FBXL8: variants seen among roughly 807,000 people sequenced by gnomAD.
FBXL8 encodes F-box/LRR-repeat protein 8.
FBXL8 carries 13 observed loss-of-function variants against 8.2 expected under a neutral mutation model. The ratio of observed to expected loss-of-function variants is 1.58; its 90% CI spans 1.03 to 2.51. The LOEUF (loss-of-function observed/expected upper bound fraction) is 2.51. FBXL8 is among the 30% of genes most tolerant of loss of function. FBXL8 has a pLI of 0.00. For missense variants in FBXL8, 565 were observed against 540.4 expected, an observed-to-expected ratio of 1.05 and a Z score of -0.45; for synonymous variants, 271 against 260.5, an observed-to-expected ratio of 1.04 and a Z score of -0.39.
chr16:67,163,962 G>C lies in FBXL8; in HGVS notation c.*142G>C, dbSNP rs1236212160. ...TCTTTACCGAGTTGGGAACTGTGAT[G>C]GCATCGGGACCAGTCCTGGGCGCCC... is the stretch of plus-strand genomic sequence containing the variant. On this transcript the variant is annotated 3_prime_UTR_variant, in exon 3 of 3. Transcript: ENST00000258200. 2.3e-6 allele frequency: 3 copies of C among 1,308,106 alleles called. No homozygotes were observed. Among genetic ancestry groups the C allele is most frequent in the Non-Finnish European group, 3.2e-6 (3 of 944,334 alleles). 81.0% of individuals were successfully genotyped at this position (1,308,106 alleles called of 1,614,324 possible).
rs1199827259 is a variant in FBXL8, at chr16:67,163,559, C to T, written c.864C>T (p.Thr288=). 7 of 1,580,330 alleles carry T rather than the reference C, an allele frequency of 4.4e-6. No individual in the cohort carries two copies. Among genetic ancestry groups the T allele is most frequent in the South Asian group, 3.4e-5 (3 of 88,760 alleles). ...AALRLNLSGD[T]VGPVRFAAHH... is the part of the protein sequence containing the mutation. ...TGCGCCTCAACCTCTCAGGCGACAC[C>T]GTAGGCCCAGTGCGCTTCGCAGCAC... Residue 288 remains threonine (T), a synonymous_variant, in exon 3 of 3, where the codon ACC becomes ACT. Coordinates refer to ENST00000258200, the MANE Select transcript of FBXL8 (RefSeq NM_018378.3).
rs1477431686 is a variant in FBXL8 at position 67,163,879 on chromosome 16, G to GT, written c.*59_*60insT. On this transcript the variant is annotated 3_prime_UTR_variant, in exon 3 of 3. Transcript: ENST00000258200. ...TAAGCGCTCTGAGAGGGAACGGGGGGGGTGTCCAGGCGCGCCCCGAGTGCT... is the reference window on the plus strand; with the variant it reads ...TAAGCGCTCTGAGAGGGAACGGGGGGTGGTGTCCAGGCGCGCCCCGAGTGCT... 1.0e-5 allele frequency: 16 copies of GT among 1,526,800 alleles called. No individual in the cohort carries two copies. Among genetic ancestry groups the GT allele is most frequent in the Admixed American group, 7.8e-5 (4 of 50,982 alleles). The allele number at this position is 1,526,800 out of a possible 1,614,324, so 94.6% of individuals were successfully genotyped here.
At position 67,163,872 on chromosome 16, in the gene FBXL8, A is replaced by AT; in HGVS notation, c.*52_*53insT. 7.5e-7 allele frequency: 1 copy of AT among 1,338,742 alleles called. No individual in the cohort carries two copies. Among genetic ancestry groups the AT allele is most frequent in the Non-Finnish European group, 9.5e-7 (1 of 1,055,554 alleles). 82.9% of individuals were successfully genotyped at this position (1,338,742 alleles called of 1,614,324 possible). A position where few individuals can be genotyped will look rare whatever the true frequency, so the allele number is the denominator to read the frequency against. On this transcript the variant is annotated 3_prime_UTR_variant, in exon 3 of 3. Transcript: ENST00000258200. Reference sequence around the variant, plus strand: ...GTGGACGTAAGCGCTCTGAGAGGGAACGGGGGGGGTGTCCAGGCGCGCCCC... The same window carrying AT: ...GTGGACGTAAGCGCTCTGAGAGGGAATCGGGGGGGGTGTCCAGGCGCGCCCC...
intron 2 of FBXL8, 78 bp downstream of exon 2, chr16:67,162,015 A>C: frequency 6.9e-7 from 1 of 1,440,246 alleles, no homozygotes; most frequent in Non-Finnish European, 9.2e-7. Flanking sequence ...GTAGATATTC[A>C]GGTTGACTCC....
Position 67,163,123 on chromosome 16 carries a change from G to A in FBXL8, c.428G>A (p.Arg143Gln), listed in dbSNP as rs759079197. 10 of 1,576,712 alleles carry A rather than the reference G, an allele frequency of 6.3e-6. No individual in the cohort carries two copies. In the East Asian group the frequency reaches 2.3e-4, roughly 37 times the overall value. Residue 143 changes from arginine to glutamine, a missense_variant, in exon 3 of 3, where the codon CGG becomes CAG. Transcript: ENST00000258200. ...AGCCAGCTACGCCACCTCGACCTGC[G>A]GCGCTTGTCCTTCACACTGGACGAC... ...AASQLRHLDL[R>Q]RLSFTLDDAL...
chr16:67,161,859 G>C lies in FBXL8; in HGVS notation c.74G>C (p.Arg25Pro). The change falls in exon 2 of 3, where the codon CGT becomes CCT. Residue 25 changes from arginine to proline, a missense_variant. Coordinates refer to ENST00000258200, the MANE Select transcript of FBXL8 (RefSeq NM_018378.3). Reference sequence around the variant, plus strand: ...TTCCGCCACCTGTCCCTGAGAGACCGTGCTGCCGCCGCCAGGGTCTGCAGG... The same window carrying C: ...TTCCGCCACCTGTCCCTGAGAGACCCTGCTGCCGCCGCCAGGGTCTGCAGG... Reference protein sequence around the residue: ...LIFRHLSLRDRAAAARVCRAW... With the variant: ...LIFRHLSLRDPAAAARVCRAW... 6.2e-7 allele frequency: 1 copy of C among 1,610,662 alleles called. No individual in the cohort carries two copies. The highest frequency in any genetic ancestry group is 8.5e-7 in the Non-Finnish European group (1 of 1,178,816).
At chr16:67,161,630 G>A (rs769023156) in intron 1 of FBXL8, 105 bp from the exon 2 acceptor site, 71 of 860,146 alleles carry the variant, frequency 8.3e-5, no homozygotes, top group Non-Finnish European at 7.2e-5. Flanking sequence ...CACGCTGTCT[G>A]AGAGGCCCTC....
chr16:67,162,066 A>G (rs1297061190), intron 2 of FBXL8, 129 bp downstream of exon 2: 1 of 1,273,854 alleles, frequency 7.9e-7, no homozygotes, highest in African/African-American at 1.5e-5. Flanking sequence ...GTGGTGGCTC[A>G]TGCCTGTAAT....
In FBXL8 at chr16:67,163,545, C is replaced by G; in HGVS notation, c.850C>G (p.Leu284Val). The change falls in exon 3 of 3, where the codon CTC becomes GTC. Residue 284 changes from leucine to valine, a missense_variant. Transcript: ENST00000258200. ...AVPVAALRLNLSGDTVGPVRF... is the reference protein window; with the variant it reads ...AVPVAALRLNVSGDTVGPVRF... ...CCCCGTGGCTGCGCTGCGCCTCAAC[C>G]TCTCAGGCGACACCGTAGGCCCAGT... 1 of 1,575,116 alleles carries G rather than the reference C, an allele frequency of 6.3e-7. No individual in the cohort carries two copies. The highest frequency in any genetic ancestry group is 8.6e-7 in the Non-Finnish European group (1 of 1,169,050).
At position 67,161,927 on chromosome 16, in the gene FBXL8, A is replaced by T. The variant is rs773292555; in HGVS notation, c.142A>T (p.Thr48Ser). The T allele has an allele frequency of 1.6e-5, 25 of 1,607,424 alleles. No homozygotes were observed. Among genetic ancestry groups the T allele is most frequent in the Non-Finnish European group, 2.0e-5 (24 of 1,177,526 alleles). ...TACCTGCAGCGCCGTGTGGCACGAC[A>T]CAAAAATCAGGTGAGCCTGCTCCTC... ...AATCSAVWHD[T>S]KISCECELEG... The change falls in exon 2 of 3, where the codon ACA (threonine) becomes TCA (serine). Residue 48 changes from threonine (T) to serine (S), a missense_variant. Physicochemically the swap from Thr to Ser is moderately conservative, Grantham distance 58. Transcript: ENST00000258200.
chr16:67,162,301 C>G (rs965533162), intron 2 of FBXL8: 1 of 437,584 alleles, frequency 2.3e-6, no homozygotes, highest in Non-Finnish European at 4.1e-6. Context: ...TGCACTCCAG[C>G]TTGGCGACAG....
At chr16:67,161,061 C>A (rs2030880099) in intron 1 of FBXL8, 2 of 153,728 alleles carry the variant, frequency 1.3e-5, no homozygotes, top group South Asian at 4.1e-4. Context: ...CTGATTGGCT[C>A]ATGGTCCCTG....
rs1247949823 is a variant in FBXL8, at chr16:67,163,798, G to A, written c.1103G>A (p.Trp368Ter). 1 of 1,563,022 alleles carries A rather than the reference G, an allele frequency of 6.4e-7. No individual in the cohort carries two copies. The highest frequency in any genetic ancestry group is 8.6e-7 in the Non-Finnish European group (1 of 1,162,302). Reference protein sequence around the residue: ...TLKLTREPHPWRPTLVA With the variant: ...TLKLTREPHP ...AAGCTCACGCGCGAGCCGCATCCCT[G>A]GAGGCCTACGCTCGTGGCGTGATTG... Residue 368 changes from tryptophan (W) to a stop codon, truncating the protein, a stop_gained, in exon 3 of 3, where the codon TGG becomes TAG. Transcript: ENST00000258200. LOFTEE classifies it high-confidence loss of function.
intron 2 of FBXL8, 155 bp downstream of exon 2, chr16:67,162,092 G>A: frequency 8.8e-6 from 9 of 1,025,184 alleles, no homozygotes; most frequent in Non-Finnish European, 1.2e-5. Flanking sequence ...CACTTTGGCA[G>A]GCCGAGGCGG....
Position 67,162,990 on chromosome 16 carries a change from C to G in FBXL8, c.295C>G (p.Arg99Gly). The G allele has an allele frequency of 1.3e-6, 2 of 1,557,502 alleles. No individual in the cohort carries two copies. The highest frequency in any genetic ancestry group is 1.7e-6 in the Non-Finnish European group (2 of 1,150,842). The change falls in exon 3 of 3, where the codon CGT (arginine) becomes GGT (glycine). Residue 99 changes from arginine to glycine, a missense_variant. Arg to Gly is a moderately radical substitution (Grantham distance 125, BLOSUM62 -2). Coordinates refer to ENST00000258200, the MANE Select transcript of FBXL8 (RefSeq NM_018378.3). ...CGAGCTGCTGATGGTTCTGGCGGGC[C>G]GTGCCCCGGGGCTGCGAGGCCTGCG... is the stretch of plus-strand genomic sequence containing the variant. Reference protein sequence around the residue: ...AIELLMVLAGRAPGLRGLRLE... With the variant: ...AIELLMVLAGGAPGLRGLRLE...
rs1321200644 is a variant in FBXL8 at position 67,163,993 on chromosome 16, C to G, written c.*173C>G. ...GGGACCAGTCCTGGGCGCCCTGAGACCACTCGCTGCTCTCACCCTCTGCAG... is the reference window on the plus strand; with the variant it reads ...GGGACCAGTCCTGGGCGCCCTGAGAGCACTCGCTGCTCTCACCCTCTGCAG... On this transcript the variant is annotated 3_prime_UTR_variant, in exon 3 of 3. Coordinates refer to ENST00000258200, the MANE Select transcript of FBXL8 (RefSeq NM_018378.3). 1.1e-6 allele frequency: 1 copy of G among 922,162 alleles called. No homozygotes were observed. 57.1% of individuals were successfully genotyped at this position (922,162 alleles called of 1,614,324 possible). A position where few individuals can be genotyped will look rare whatever the true frequency, so the allele number is the denominator to read the frequency against.
rs1416190440 is a variant in FBXL8, at chr16:67,163,654, T to C, written c.959T>C (p.Leu320Pro). The C allele has an allele frequency of 1.9e-6, 3 of 1,570,804 alleles. No homozygotes were observed. Among genetic ancestry groups the C allele is most frequent in the South Asian group, 1.1e-5 (1 of 87,916 alleles). Residue 320 changes from leucine to proline, a missense_variant, in exon 3 of 3, where the codon CTG (leucine) becomes CCG (proline). Physicochemically the swap from Leu to Pro is moderately conservative, Grantham distance 98. Transcript: ENST00000258200. The stretch of plus-strand genomic sequence containing the variant: ...GCTTCGGCCGAGCTGAACGCCGCGC[T>C]GGAGGAGCTGGCGGCGCGCTGCGCG... Reference protein sequence around the residue: ...AAASAELNAALEELAARCAAL... With the variant: ...AAASAELNAAPEELAARCAAL...
At chr16:67,161,458 A>G (rs1302443870) in intron 1 of FBXL8, among the ~76,000 whole-genome samples, 2 of 151,970 alleles carry the variant, frequency 1.3e-5, no homozygotes, top group South Asian at 2.1e-4. Flanking sequence ...AAAGAAAAAA[A>G]AAAAAAAAAG....
In FBXL8 at chr16:67,163,723, T is replaced by G. The variant is rs375269685; in HGVS notation, c.1028T>G (p.Val343Gly). 4.4e-6 allele frequency: 7 copies of G among 1,595,230 alleles called. No individual in the cohort carries two copies. Among genetic ancestry groups the G allele is most frequent in the Non-Finnish European group, 5.9e-6 (7 of 1,178,120 alleles). Residue 343 changes from valine to glycine, a missense_variant, in exon 3 of 3, where the codon GTG (valine) becomes GGG (glycine). Physicochemically the swap from Val to Gly is moderately radical, Grantham distance 109 (BLOSUM62 -3). Transcript: ENST00000258200. ...VHCFCVVSHSVLDAFRAHCPR... is the reference protein window; with the variant it reads ...VHCFCVVSHSGLDAFRAHCPR... The stretch of plus-strand genomic sequence containing the variant: ...TGTTTCTGCGTGGTGAGCCACTCGG[T>G]GCTGGACGCCTTCCGCGCGCACTGC...
Sources: allele counts gnomAD v4.1 joint callset (sites outside exome capture counted in the v4.1 genomes callset), GRCh38; gene constraint gnomAD v4.1.1; transcripts MANE v1.5; gene names NCBI Gene and HGNC (gene_info 2026-07-23, HGNC 2026-07-21).